KCNN1: variants seen among roughly 807,000 people sequenced by gnomAD.
The protein encoded by KCNN1 is small conductance calcium-activated potassium channel protein 1.
KCNN1 carries 20 observed loss-of-function variants against 44.7 expected under a neutral mutation model. The observed-to-expected ratio is 0.45, with a 90% CI of 0.32 to 0.65. The LOEUF is 0.65. Among genes scored for constraint, KCNN1 ranks in the 30% least tolerant of loss-of-function variants. KCNN1 has a pLI of 0.05. For missense variants in KCNN1, 632 were observed against 785.3 expected, an observed-to-expected ratio of 0.80 and a Z score of 2.33; for synonymous variants, 324 against 341.7, an observed-to-expected ratio of 0.95 and a Z score of 0.57.
At chr19:17,955,884 G>A (rs2031532669) in intron 2 of KCNN1, among the ~76,000 whole-genome samples, 1 of 150,660 alleles carries the variant, frequency 6.6e-6, no homozygotes, top group Non-Finnish European at 1.5e-5. Flanking sequence ...CAGCTCCTGT[G>A]CTCCTTTCTC....
At chr19:17,956,657 G>A (rs182301361) in intron 2 of KCNN1, among the ~76,000 whole-genome samples, 283 of 152,082 alleles carry the variant, frequency 1.9e-3, no homozygotes, top group African/African-American at 6.6e-3. Flanking sequence ...GAGATGGGGG[G>A]ATCACTTGAG....
At chr19:17,966,219 T>C (rs1289754172), upstream of KCNN1, among the ~76,000 whole-genome samples, 2 of 152,010 alleles carry the variant, frequency 1.3e-5, no homozygotes, top group South Asian at 4.2e-4. Context: ...GGGAGAGAGA[T>C]AGGAGGTGGG....
rs2032164973 is a variant in KCNN1, at chr19:17,975,157, C to T, written c.468C>T (p.Leu156=). 3.1e-6 allele frequency: 5 copies of T among 1,613,648 alleles called. No homozygotes were observed. Among genetic ancestry groups the T allele is most frequent in the Non-Finnish European group, 4.2e-6 (5 of 1,179,698 alleles). The change falls in exon 3 of 10, where the codon CTC becomes CTT. Residue 156 remains leucine, a synonymous_variant. Coordinates refer to ENST00000684775, the MANE Select transcript of KCNN1 (RefSeq NM_001386974.1). ...ISLSTAILLG[L]VVLYHAREIQ... ...TCTCCACGGCCATCCTGCTGGGTCTCGTTGTCCTCTACCATGCCCGGGAGA... is the reference window on the plus strand; with the variant it reads ...TCTCCACGGCCATCCTGCTGGGTCTTGTTGTCCTCTACCATGCCCGGGAGA...
chr19:17,953,177 C>A (rs2031459895), intron 1 of KCNN1, among the ~76,000 whole-genome samples: 1 of 152,210 alleles, frequency 6.6e-6, no homozygotes, highest in Admixed American at 6.5e-5. Flanking sequence ...CGTGTGCCCC[C>A]GCTCCCAGCC....
At chr19:17,966,379 G>A (rs1296089203), upstream of KCNN1, among the ~76,000 whole-genome samples, 1 of 152,196 alleles carries the variant, frequency 6.6e-6, no homozygotes, top group African/African-American at 2.4e-5. Context: ...GGTCCCCAAA[G>A]CTCCCTGGAG....
At chr19:17,989,351 G>A (rs776459572) in intron 6 of KCNN1, among the ~76,000 whole-genome samples, 4 of 152,146 alleles carry the variant, frequency 2.6e-5, no homozygotes, top group Non-Finnish European at 5.9e-5. Flanking sequence ...CCAGCTACTA[G>A]GGAGAGTGAG....
At chr19:17,982,757 C>G (rs1215520000) in intron 4 of KCNN1, among the ~76,000 whole-genome samples, 1 of 152,160 alleles carries the variant, frequency 6.6e-6, no homozygotes, top group Non-Finnish European at 1.5e-5. Flanking sequence ...CTCCACTGGG[C>G]GTCCTCTCCG....
intron 9 of KCNN1, among the ~76,000 whole-genome samples, chr19:17,995,288 C>T (rs947206710): frequency 4.6e-5 from 7 of 151,692 alleles, no homozygotes; most frequent in Admixed American, 2.6e-4. Context: ...ATCCCCCCAA[C>T]TCATCCTCTT....
rs558155368 is a variant in KCNN1, at chr19:17,998,598, C to T, written c.*192C>T. On this transcript the variant is annotated 3_prime_UTR_variant, in exon 10 of 10. Coordinates refer to ENST00000684775, the MANE Select transcript of KCNN1 (RefSeq NM_001386974.1). This position sits in a 1 kb window ranked among gnomAD's most constrained non-coding sequence, Gnocchi z 5.4. ...GACCATGGGTGAGGGCAGGGGAGCCCGGAGCTTCCTCTGGTCACCTGGTCC... is the reference window on the plus strand; with the variant it reads ...GACCATGGGTGAGGGCAGGGGAGCCTGGAGCTTCCTCTGGTCACCTGGTCC... The T allele has an allele frequency of 3.9e-5, 21 of 537,598 alleles. No individual in the cohort carries two copies. The highest frequency in any genetic ancestry group is 1.2e-4 in the South Asian group (3 of 24,844). 33.3% of individuals were successfully genotyped at this position (537,598 alleles called of 1,614,324 possible).
At chr19:17,968,911 C>T (rs773725352) in intron 1 of KCNN1, among the ~76,000 whole-genome samples, 1 of 152,172 alleles carries the variant, frequency 6.6e-6, no homozygotes, top group Non-Finnish European at 1.5e-5. Flanking sequence ...AGGCTGGTCT[C>T]GAGCTCCTGG....
intron 5 of KCNN1, among the ~76,000 whole-genome samples, chr19:17,987,379 G>A (rs1260253823): frequency 1.3e-5 from 2 of 152,140 alleles, no homozygotes; most frequent in East Asian, 3.9e-4. Context: ...CAAAGTGCTG[G>A]GATTACAGGT....
Position 17,956,377 on chromosome 19 carries a change from T to C in KCNN1, c.-82+1696T>C, listed in dbSNP as rs573383490. ...ACTGTCTGCCAGGCCCTAGGCTGGA[T>C]GCTGGGATGCAATAAGGACAAAGGC... On this transcript the variant is annotated intron_variant, in intron 2 of 10. Transcript: ENST00000222249. Among the ~76,000 whole-genome samples, 7 of 152,344 alleles carry C rather than the reference T, an allele frequency of 4.6e-5. No individual in the cohort carries two copies. The East Asian group carries it at 1.3e-3, about 29-fold the overall frequency.
chr19:17,994,652 T>G (rs1018655299), intron 9 of KCNN1, among the ~76,000 whole-genome samples: 1 of 152,042 alleles, frequency 6.6e-6, no homozygotes, highest in Non-Finnish European at 1.5e-5. Flanking sequence ...CAAGCAATTC[T>G]CGTGCTTCAG....
intron 3 of KCNN1, among the ~76,000 whole-genome samples, chr19:17,977,967 G>A (rs1324766897): frequency 1.3e-5 from 2 of 151,990 alleles, no homozygotes; most frequent in South Asian, 2.1e-4. Context: ...AGTGGTTGCC[G>A]GGGGCTGGGA....
chr19:17,997,682 G>A (rs562016266), intron 9 of KCNN1, among the ~76,000 whole-genome samples: 3 of 152,262 alleles, frequency 2.0e-5, no homozygotes, highest in East Asian at 3.9e-4. Flanking sequence ...GTTTCACCAT[G>A]TTGGCCAGGC....
At chr19:17,959,930 A>C (rs2031639099) in intron 2 of KCNN1, among the ~76,000 whole-genome samples, 1 of 151,884 alleles carries the variant, frequency 6.6e-6, no homozygotes, top group East Asian at 2.0e-4. Context: ...TAAAAATACA[A>C]AAATTAGCCG....
intron 2 of KCNN1, among the ~76,000 whole-genome samples, chr19:17,957,161 AAGGAG>A (rs1415107845): frequency 1.0e-4 from 11 of 105,306 alleles, no homozygotes; most frequent in Admixed American, 1.9e-4. Flanking sequence ...GAGAGAAAAA[AAGGAG>A]AGGAGAGGGG....
At chr19:17,965,325 A>C (rs1599347451), upstream of KCNN1, among the ~76,000 whole-genome samples, 1 of 152,010 alleles carries the variant, frequency 6.6e-6, no homozygotes, top group Non-Finnish European at 1.5e-5. Context: ...CTGTGCAAGC[A>C]GACCAGGGTC....
rs763865151 is a variant in KCNN1 at position 17,953,745 on chromosome 19, GTACTGAAACCCTGTCTC to G, written c.-202-812_-202-796del. On this transcript the variant is annotated intron_variant, in intron 1 of 10. Coordinates refer to the KCNN1 transcript ENST00000222249. ...GGAGTTCGAGACCAGCCTGGGCAAC[GTACTGAAACCCTGTCTC>G]TACAAAAAATTAAAAAAATTAGCCA... Among the ~76,000 whole-genome samples, 54 of 152,070 alleles carry G rather than the reference GTACTGAAACCCTGTCTC, an allele frequency of 3.6e-4. 1 individual carries two copies. Among genetic ancestry groups the G allele is most frequent in the Non-Finnish European group, 1.0e-4 (7 of 67,990 alleles).
Sources: gnomAD v4.1 joint callset for allele counts (sites outside exome capture counted in the v4.1 genomes callset) on GRCh38, gnomAD v4.1.1 for gene constraint, Gnocchi (gnomAD v3.1) non-coding constraint, MANE v1.5 for transcripts, NCBI Gene and HGNC (gene_info 2026-07-23, HGNC 2026-07-21) for gene names.